The following DEPDC5 variants were observed in gnomAD, a reference collection of about 807,000 sequenced individuals.
DEPDC5 encodes the protein DEP domain containing 5, GATOR1 subcomplex subunit, also known as GATOR1 complex protein DEPDC5.
Under a neutral mutation model 217.3 loss-of-function variants are expected in DEPDC5, and 73 were observed. The ratio of observed to expected loss-of-function variants is 0.34; its 90% CI spans 0.28 to 0.41. The LOEUF (loss-of-function observed/expected upper bound fraction) is 0.41, where lower values mean the gene tolerates loss of function less well. Ranked by LOEUF, DEPDC5 falls within the 10% of genes least tolerant of loss-of-function variation. The probability of loss-of-function intolerance (pLI) is 1.00; values close to 1 mark genes in which losing one functional copy is unlikely to be tolerated. For missense variants in DEPDC5, 1,675 were observed against 2,070.1 expected, an observed-to-expected ratio of 0.81 and a Z score of 3.70; for synonymous variants, 733 against 756.7, an observed-to-expected ratio of 0.97 and a Z score of 0.51.
chr22:31,810,104 C>T (rs2088091909), intron 19 of DEPDC5, among the ~76,000 whole-genome samples: 1 of 152,152 alleles, frequency 6.6e-6, no homozygotes. Flanking sequence ...CCTTAATTAC[C>T]TTGTATTTTT....
chr22:31,789,007 G>A (rs538727132), intron 10 of DEPDC5, among the ~76,000 whole-genome samples: 3 of 152,116 alleles, frequency 2.0e-5, no homozygotes, highest in South Asian at 2.1e-4. Context: ...AGCGATTCTC[G>A]TCCCTCAGCC....
intron 12 of DEPDC5, among the ~76,000 whole-genome samples, chr22:31,794,569 C>T (rs980157098): frequency 6.6e-6 from 1 of 152,002 alleles, no homozygotes; most frequent in Non-Finnish European, 1.5e-5. Context: ...ACTGCAAAAA[C>T]AATACAGGTT....
chr22:31,755,594 A>G (rs2075254274), intron 2 of DEPDC5: 1 of 149,576 alleles, frequency 6.7e-6, no homozygotes, highest in African/African-American at 2.5e-5. Flanking sequence ...TTTTTGGGAC[A>G]CGGTCCCCCA....
chr22:31,857,377 T>G, intron 31 of DEPDC5, 68 bp from the exon 32 acceptor site: 1 of 1,371,892 alleles, frequency 7.3e-7, no homozygotes, highest in Non-Finnish European at 1.0e-6. Flanking sequence ...GTCTGCATCT[T>G]GGCCGACATG....
chr22:31,873,792 T>C (rs377482877), intron 35 of DEPDC5: 53 of 133,124 alleles, frequency 4.0e-4, no homozygotes, highest in South Asian at 2.1e-3. Flanking sequence ...ACTTCTTCTT[T>C]TTTTTTTTTT....
At chr22:31,869,962 A>G (rs1045088428) in intron 33 of DEPDC5, among the ~76,000 whole-genome samples, 1 of 152,218 alleles carries the variant, frequency 6.6e-6, no homozygotes, top group Non-Finnish European at 1.5e-5. Context: ...AAGTACAGGC[A>G]TGATTTAGAG....
intron 27 of DEPDC5, among the ~76,000 whole-genome samples, chr22:31,840,557 G>A (rs1359929207): frequency 6.6e-6 from 1 of 152,202 alleles, no homozygotes; most frequent in East Asian, 1.9e-4. Context: ...ATAGCTGGTG[G>A]ATGTCCCTCA....
chr22:31,808,686 C>A (rs1366232449), intron 18 of DEPDC5, among the ~76,000 whole-genome samples: 16 of 151,906 alleles, frequency 1.1e-4, no homozygotes, highest in Admixed American at 1.1e-3. Context: ...TCCATCTTGG[C>A]CTCCCAAAGT....
chr22:31,768,711 G>A, intron 6 of DEPDC5, 103 bp from the exon 7 acceptor site: 1 of 1,007,880 alleles, frequency 9.9e-7, no homozygotes, highest in South Asian at 1.6e-5. Flanking sequence ...AGGAGTTCTT[G>A]TTTGTGATTT....
In DEPDC5 at chr22:31,819,201, C is replaced by T; in HGVS notation, c.1846C>T (p.Arg616Cys). 6.2e-7 allele frequency: 1 copy of T among 1,614,160 alleles called. No individual in the cohort carries two copies. Among genetic ancestry groups the T allele is most frequent in the East Asian group, 2.2e-5 (1 of 44,872 alleles). ...MPMKLTSNRRRWMHTFPVGPS... is the reference protein window; with the variant it reads ...MPMKLTSNRRCWMHTFPVGPS... ...CATGAAGCTTACGTCCAACAGAAGGCGCTGGATGCACACTTTTCCTGTGGG... is the reference window on the plus strand; with the variant it reads ...CATGAAGCTTACGTCCAACAGAAGGTGCTGGATGCACACTTTTCCTGTGGG... The change falls in exon 22 of 43, where the codon CGC becomes TGC. Residue 616 changes from arginine to cysteine, a missense_variant. Physicochemically the swap from Arg to Cys is radical, Grantham distance 180. Transcript: ENST00000651528.
At chr22:31,870,183 C>T (rs1293599439) in intron 33 of DEPDC5, among the ~76,000 whole-genome samples, 1 of 152,196 alleles carries the variant, frequency 6.6e-6, no homozygotes, top group East Asian at 1.9e-4. Flanking sequence ...TGTGGTCTTT[C>T]AGTCCTGCTG....
intron 4 of DEPDC5, 147 bp downstream of exon 4, chr22:31,760,849 CA>C (rs2082328334): frequency 1.5e-6 from 1 of 686,546 alleles, no homozygotes; most frequent in African/African-American, 1.8e-5. Flanking sequence ...TCAGGCAGTA[CA>C]TGGGAATGTT....
intron 27 of DEPDC5, among the ~76,000 whole-genome samples, chr22:31,840,223 G>A (rs1015594766): frequency 6.6e-6 from 1 of 152,158 alleles, no homozygotes; most frequent in African/African-American, 2.4e-5. Context: ...GAGGAGATGA[G>A]GTTTGAGATT....
intron 38 of DEPDC5, among the ~76,000 whole-genome samples, chr22:31,885,436 CAT>C (rs2093282422): frequency 1.3e-5 from 2 of 152,204 alleles, no homozygotes; most frequent in South Asian, 2.1e-4. Flanking sequence ...GTCCAAAAAT[CAT>C]GTGTGGGCTG....
At chr22:31,867,836 T>C (rs1419864451) in intron 33 of DEPDC5, among the ~76,000 whole-genome samples, 2 of 152,152 alleles carry the variant, frequency 1.3e-5, no homozygotes, top group Non-Finnish European at 2.9e-5. Flanking sequence ...TGTGCATTTC[T>C]GGTAATGGCC....
intron 24 of DEPDC5, among the ~76,000 whole-genome samples, chr22:31,831,879 A>G (rs980259734): frequency 2.0e-5 from 3 of 152,254 alleles, no homozygotes; most frequent in Non-Finnish European, 4.4e-5. Context: ...CATCAAGATA[A>G]GAAAATTTCC....
chr22:31,804,088 A>G (rs1162114395), intron 15 of DEPDC5, 74 bp from the exon 16 acceptor site: 10 of 1,463,194 alleles, frequency 6.8e-6, no homozygotes, highest in Non-Finnish European at 9.5e-6. Context: ...CATTTAAATA[A>G]CATGATTTAT....
At chr22:31,826,250 G>T (rs1343913307) in intron 24 of DEPDC5, among the ~76,000 whole-genome samples, 2 of 152,008 alleles carry the variant, frequency 1.3e-5, no homozygotes, top group South Asian at 2.1e-4. Flanking sequence ...CCTGTGATCT[G>T]CCCATCTCAG....
At chr22:31,767,397 G>A (rs781547774) in intron 6 of DEPDC5, among the ~76,000 whole-genome samples, 5 of 152,024 alleles carry the variant, frequency 3.3e-5, no homozygotes, top group Non-Finnish European at 7.4e-5. Flanking sequence ...CCTGGTTCAA[G>A]CGATTCTCCT....
Sources: gnomAD v4.1 joint callset for allele counts (sites outside exome capture counted in the v4.1 genomes callset) on GRCh38, gnomAD v4.1.1 for gene constraint, MANE v1.5 for transcripts, NCBI Gene and HGNC (gene_info 2026-07-23, HGNC 2026-07-21) for gene names.